Variants in NCK2 observed in about 807,000 individuals in gnomAD.
The protein encoded by NCK2 is NCK adaptor protein 2, also known as cytoplasmic protein NCK2.
In NCK2, 16 loss-of-function variants were observed where a neutral mutation model predicts 33.9. The observed-to-expected ratio is 0.47, with a 90% CI of 0.32 to 0.72. The LOEUF (loss-of-function observed/expected upper bound fraction) is 0.72, where lower values mean the gene tolerates loss of function less well. Ranked by LOEUF, NCK2 falls within the 30% of genes least tolerant of loss-of-function variation. The probability of loss-of-function intolerance (pLI) is 0.03; values close to 1 mark genes in which losing one functional copy is unlikely to be tolerated. For synonymous variants in NCK2, 273 were observed against 239.9 expected (o/e 1.14, Z -1.27); for missense variants, 418 against 537.3 (o/e 0.78, Z 2.19).
chr2:105,779,318 A>G (rs1690412461), intron 1 of NCK2, among the ~76,000 whole-genome samples: 1 of 151,996 alleles, frequency 6.6e-6, no homozygotes, highest in Admixed American at 6.6e-5. Context: ...AAAAAAAAAA[A>G]AAAAAAGAAT....
chr2:105,766,693 A>G (rs1236389132), intron 1 of NCK2, among the ~76,000 whole-genome samples: 1 of 152,012 alleles, frequency 6.6e-6, no homozygotes, highest in Admixed American at 6.6e-5. Context: ...GTGAGGGAGA[A>G]TCCTGGCGGG....
rs566269412 is a variant in NCK2 at position 105,888,747 on chromosome 2, T to C, written c.949-4235T>C. On this transcript the variant is annotated intron_variant, in intron 4 of 4. Transcript: ENST00000233154. ...GGCTGCCTCTTTGCTCTCTCTTGGG[T>C]CACTTGATCTAGGGTGAGCCAGCTG... 1.1e-4 allele frequency among the ~76,000 whole-genome samples: 16 copies of C among 152,210 alleles called. No individual in the cohort carries two copies. In the South Asian group the frequency reaches 3.3e-3, roughly 32 times the overall value.
At chr2:105,818,633 G>A (rs1433225848) in intron 2 of NCK2, among the ~76,000 whole-genome samples, 1 of 152,062 alleles carries the variant, frequency 6.6e-6, no homozygotes, top group Non-Finnish European at 1.5e-5. Flanking sequence ...CAACTTTTAG[G>A]TGATATGTCT....
At chr2:105,863,443 A>G (rs750314125) in intron 3 of NCK2, among the ~76,000 whole-genome samples, 5 of 152,136 alleles carry the variant, frequency 3.3e-5, no homozygotes, top group African/African-American at 4.8e-5. Flanking sequence ...CAGTAACCAA[A>G]GGCTTTGAAA....
Position 105,881,849 on chromosome 2 carries a change from A to G in NCK2, c.748A>G (p.Asn250Asp). 1.3e-6 allele frequency: 2 copies of G among 1,595,950 alleles called. No individual in the cohort carries two copies. The highest frequency in any genetic ancestry group is 8.5e-7 in the Non-Finnish European group (1 of 1,170,196). ...GGGCCAGGTGGGCCTCGTCCCCAAA[A>G]ACTACGTGGTGGTCCTCAGTGACGG... Reference protein sequence around the residue: ...ARGQVGLVPKNYVVVLSDGPA... With the variant: ...ARGQVGLVPKDYVVVLSDGPA... The change falls in exon 4 of 5, where the codon AAC becomes GAC. Residue 250 changes from asparagine (N) to aspartate (D), a missense_variant. Transcript: ENST00000233154.
chr2:105,886,136 T>G (rs1678712205), intron 4 of NCK2, among the ~76,000 whole-genome samples: 1 of 152,256 alleles, frequency 6.6e-6, no homozygotes, highest in South Asian at 2.1e-4. Context: ...ATCTTTCCAG[T>G]TTCAAAGATA....
At chr2:105,791,179 GA>G (rs1240188486) in intron 1 of NCK2, among the ~76,000 whole-genome samples, 1 of 152,240 alleles carries the variant, frequency 6.6e-6, no homozygotes, top group Non-Finnish European at 1.5e-5. Flanking sequence ...ATGAAGAGGT[GA>G]CAGCGGAAGA....
At chr2:105,782,213 G>C (rs1690521998) in intron 1 of NCK2, among the ~76,000 whole-genome samples, 1 of 152,198 alleles carries the variant, frequency 6.6e-6, no homozygotes, top group African/African-American at 2.4e-5. Context: ...TCCTGGTCTG[G>C]CTGTAGGCAG....
chr2:105,768,982 T>C (rs1690037515), intron 1 of NCK2, among the ~76,000 whole-genome samples: 1 of 151,118 alleles, frequency 6.6e-6, no homozygotes, highest in Non-Finnish European at 1.5e-5. Flanking sequence ...CTCCCAGAGG[T>C]TGGGGTGTAG....
At chr2:105,796,846 T>C (rs1573604275) in intron 1 of NCK2, among the ~76,000 whole-genome samples, 1 of 152,204 alleles carries the variant, frequency 6.6e-6, no homozygotes, top group Non-Finnish European at 1.5e-5. Flanking sequence ...AGAACACTTA[T>C]AGACATTAGT....
At chr2:105,884,327 C>G (rs1678632928) in intron 4 of NCK2, among the ~76,000 whole-genome samples, 1 of 152,212 alleles carries the variant, frequency 6.6e-6, no homozygotes, top group Non-Finnish European at 1.5e-5. Flanking sequence ...GCAGCCACCA[C>G]TAGGCCACCA....
At chr2:105,848,084 C>A (rs763855184) in intron 2 of NCK2, among the ~76,000 whole-genome samples, 18 of 152,212 alleles carry the variant, frequency 1.2e-4, no homozygotes, top group Non-Finnish European at 2.5e-4. Flanking sequence ...ATGTTCAAGC[C>A]ATTGAGCCTA....
chr2:105,840,742 A>T (rs1014412346), intron 2 of NCK2, among the ~76,000 whole-genome samples: 1 of 152,272 alleles, frequency 6.6e-6, no homozygotes, highest in Non-Finnish European at 1.5e-5. Flanking sequence ...AAACACATTT[A>T]CTGTGTTTTG....
intron 1 of NCK2, among the ~76,000 whole-genome samples, chr2:105,809,677 G>A (rs1273208001): frequency 6.6e-6 from 1 of 152,176 alleles, no homozygotes; most frequent in East Asian, 1.9e-4. Flanking sequence ...CATAGCAGAT[G>A]GGATGCACTT....
At chr2:105,843,437 A>T (rs2104555653) in intron 2 of NCK2, among the ~76,000 whole-genome samples, 1 of 151,664 alleles carries the variant, frequency 6.6e-6, no homozygotes, top group African/African-American at 2.4e-5. Flanking sequence ...TTTATTTTGT[A>T]AAGGATTCAT....
At chr2:105,758,082 A>G (rs1473210263) in intron 1 of NCK2, among the ~76,000 whole-genome samples, 2 of 152,162 alleles carry the variant, frequency 1.3e-5, no homozygotes, top group African/African-American at 2.4e-5. Context: ...CTCTACTTAC[A>G]TGTTGTTTAT....
intron 1 of NCK2, among the ~76,000 whole-genome samples, chr2:105,774,127 G>A (rs1190202486): frequency 6.6e-6 from 1 of 151,704 alleles, no homozygotes; most frequent in African/African-American, 2.4e-5. Flanking sequence ...TCATGCCTCA[G>A]CTTCCAGAGT....
intron 2 of NCK2, among the ~76,000 whole-genome samples, chr2:105,829,192 T>G (rs1400864864): frequency 6.6e-6 from 1 of 152,152 alleles, no homozygotes; most frequent in Non-Finnish European, 1.5e-5. Context: ...TATGTACTTT[T>G]GGGGCATAAT....
chr2:105,762,345 C>T (rs1689794713), intron 1 of NCK2, among the ~76,000 whole-genome samples: 2 of 152,218 alleles, frequency 1.3e-5, no homozygotes, highest in African/African-American at 2.4e-5. Context: ...AGACTGCCTC[C>T]TCACATCAGC....
Sources: gnomAD v4.1 joint callset for allele counts (sites outside exome capture counted in the v4.1 genomes callset) on GRCh38, gnomAD v4.1.1 for gene constraint, MANE v1.5 for transcripts, NCBI Gene and HGNC (gene_info 2026-07-23, HGNC 2026-07-21) for gene names.